SH3RF3: variants seen among roughly 807,000 people sequenced by gnomAD.
The protein encoded by SH3RF3 is E3 ubiquitin-protein ligase SH3RF3.
In SH3RF3, 29 loss-of-function variants were observed where a neutral mutation model predicts 66.3. The observed-to-expected ratio is 0.44, with a 90% CI of 0.33 to 0.60. The LOEUF (loss-of-function observed/expected upper bound fraction) is 0.60, where lower values mean the gene tolerates loss of function less well. Ranked by LOEUF, SH3RF3 falls within the 20% of genes least tolerant of loss-of-function variation. The probability of loss-of-function intolerance (pLI) is 0.04; values close to 1 mark genes in which losing one functional copy is unlikely to be tolerated. For missense variants in SH3RF3, 1,194 were observed against 1,190.9 expected, an observed-to-expected ratio of 1.00 and a Z score of -0.04; for synonymous variants, 583 against 532.0, an observed-to-expected ratio of 1.10 and a Z score of -1.32.
intron 1 of SH3RF3, among the ~76,000 whole-genome samples, chr2:109,191,118 A>T (rs1370094047): frequency 6.6e-6 from 1 of 152,056 alleles, no homozygotes; most frequent in Non-Finnish European, 1.5e-5. Flanking sequence ...TTGGAGAGAG[A>T]TCCAGAGGGA....
intron 2 of SH3RF3, among the ~76,000 whole-genome samples, chr2:109,363,858 T>C (rs1171190565): frequency 1.3e-5 from 2 of 152,202 alleles, no homozygotes; most frequent in Non-Finnish European, 2.9e-5. Context: ...AGGTAATGTG[T>C]TTTTTCCCCT....
intron 1 of SH3RF3, among the ~76,000 whole-genome samples, chr2:109,300,550 C>T (rs775140843): frequency 2.0e-5 from 3 of 152,202 alleles, no homozygotes; most frequent in African/African-American, 7.2e-5. Context: ...CCAGAGATGA[C>T]AGGCATCCTT....
At chr2:109,407,472 GGACA>G (rs1415929099) in intron 4 of SH3RF3, among the ~76,000 whole-genome samples, 1 of 152,056 alleles carries the variant, frequency 6.6e-6, no homozygotes, top group African/African-American at 2.4e-5. Flanking sequence ...CTCTGCCACA[GGACA>G]GACAGACAGA....
At chr2:109,228,151 T>C (rs1440988797) in intron 1 of SH3RF3, among the ~76,000 whole-genome samples, 1 of 152,198 alleles carries the variant, frequency 6.6e-6, no homozygotes, top group East Asian at 1.9e-4. Context: ...ATGATGTACT[T>C]GCAACGTTTG....
intron 1 of SH3RF3, among the ~76,000 whole-genome samples, chr2:109,247,441 C>G (rs938150466): frequency 7.9e-5 from 12 of 152,222 alleles, no homozygotes; most frequent in African/African-American, 2.7e-4. Flanking sequence ...CGTCACGGCT[C>G]CTGACCGTTC....
chr2:109,223,455 C>T (rs575403295), intron 1 of SH3RF3, among the ~76,000 whole-genome samples: 46 of 152,350 alleles, frequency 3.0e-4, no homozygotes, highest in African/African-American at 1.0e-3. Context: ...CAGGCATTGT[C>T]CCCCTTTGGG....
intron 3 of SH3RF3, among the ~76,000 whole-genome samples, chr2:109,375,574 A>G (rs903586230): frequency 3.9e-5 from 6 of 152,340 alleles, no homozygotes; most frequent in African/African-American, 1.2e-4. Context: ...GAATTTCAGA[A>G]GGCGCTTGTT....
intron 1 of SH3RF3, among the ~76,000 whole-genome samples, chr2:109,259,452 A>T (rs1040235463): frequency 6.6e-6 from 1 of 152,152 alleles, no homozygotes; most frequent in South Asian, 2.1e-4. Flanking sequence ...ACGGTGGTGC[A>T]TTGGCTATTG....
intron 1 of SH3RF3, among the ~76,000 whole-genome samples, chr2:109,179,924 T>G (rs2104979387): frequency 6.6e-6 from 1 of 151,396 alleles, no homozygotes; most frequent in South Asian, 2.1e-4. Flanking sequence ...ACGAAAGAAC[T>G]AGGGCTATTA....
intron 3 of SH3RF3, among the ~76,000 whole-genome samples, chr2:109,385,112 C>G (rs1012868769): frequency 6.6e-6 from 1 of 152,184 alleles, no homozygotes; most frequent in African/African-American, 2.4e-5. Context: ...TCTGACAGGC[C>G]AGACCCCTGC....
At chr2:109,235,047 C>T (rs984083766) in intron 1 of SH3RF3, among the ~76,000 whole-genome samples, 1 of 152,158 alleles carries the variant, frequency 6.6e-6, no homozygotes, top group Non-Finnish European at 1.5e-5. Flanking sequence ...GCCCAGTAGG[C>T]CATCATGTTC....
chr2:109,488,315 G>T (rs1199573584), intron 8 of SH3RF3, among the ~76,000 whole-genome samples: 11 of 152,172 alleles, frequency 7.2e-5, no homozygotes, highest in Admixed American at 5.2e-4. Context: ...CCCCTGAGTT[G>T]TGACAGCCCA....
chr2:109,414,709 C>G (rs546127433), intron 4 of SH3RF3, among the ~76,000 whole-genome samples: 2 of 152,304 alleles, frequency 1.3e-5, no homozygotes, highest in African/African-American at 4.8e-5. Flanking sequence ...TGAGACATCT[C>G]CAGGCACACC....
intron 1 of SH3RF3, among the ~76,000 whole-genome samples, chr2:109,213,477 G>A (rs776998842): frequency 1.6e-4 from 25 of 152,192 alleles, no homozygotes; most frequent in Non-Finnish European, 3.7e-4. Context: ...TGGTGAGGAC[G>A]TGGCCCCAGG....
intron 1 of SH3RF3, among the ~76,000 whole-genome samples, chr2:109,203,224 C>T (rs1444283154): frequency 6.6e-6 from 1 of 152,206 alleles, no homozygotes; most frequent in Non-Finnish European, 1.5e-5. Flanking sequence ...AGCCAGGAGC[C>T]TCTTCAGAGA....
At position 109,503,340 on chromosome 2, in the gene SH3RF3, C is replaced by A. The variant is rs1039878779; in HGVS notation, c.*1669C>A. 2 of 152,132 alleles carry A rather than the reference C, an allele frequency of 1.3e-5. No homozygotes were observed. The highest frequency in any genetic ancestry group is 2.9e-5 in the Non-Finnish European group (2 of 68,036). 9.4% of individuals were successfully genotyped at this position (152,132 alleles called of 1,614,324 possible). Reference sequence around the variant, plus strand: ...TACATTCTTTTGCCTGGCATGAAGACTTTGAAACACGGGCCGCTTATTTTC... The same window carrying A: ...TACATTCTTTTGCCTGGCATGAAGAATTTGAAACACGGGCCGCTTATTTTC... On this transcript the variant is annotated 3_prime_UTR_variant, in exon 10 of 10. Transcript: ENST00000309415.
chr2:109,133,978 A>G (rs528740929), intron 1 of SH3RF3, among the ~76,000 whole-genome samples: 1 of 152,156 alleles, frequency 6.6e-6, no homozygotes, highest in Non-Finnish European at 1.5e-5. Flanking sequence ...CTGGTCAGCT[A>G]GTGGAGGCCA....
At chr2:109,271,477 C>T (rs112540727) in intron 1 of SH3RF3, among the ~76,000 whole-genome samples, 7 of 152,194 alleles carry the variant, frequency 4.6e-5, no homozygotes, top group Non-Finnish European at 1.0e-4. Flanking sequence ...TTCACTTTCC[C>T]GTAAATCAAC....
chr2:109,297,186 G>A (rs1005881622), intron 1 of SH3RF3, among the ~76,000 whole-genome samples: 1 of 151,904 alleles, frequency 6.6e-6, no homozygotes, highest in African/African-American at 2.4e-5. Flanking sequence ...CCTCTGCAGG[G>A]GGGTGAGTTC....
Sources: allele counts gnomAD v4.1 joint callset (sites outside exome capture counted in the v4.1 genomes callset), GRCh38; gene constraint gnomAD v4.1.1; transcripts MANE v1.5; gene names NCBI Gene and HGNC (gene_info 2026-07-23, HGNC 2026-07-21).